EML6: variants seen among roughly 807,000 people sequenced by gnomAD.
EML6 encodes EMAP like 6, also known as echinoderm microtubule-associated protein-like 6.
In EML6, 154 loss-of-function variants were observed where a neutral mutation model predicts 240.1. The observed-to-expected ratio is 0.64, with a 90% CI of 0.56 to 0.73. The LOEUF (loss-of-function observed/expected upper bound fraction) is 0.73. Ranked by LOEUF, EML6 falls within the 30% of genes least tolerant of loss-of-function variation. EML6 has a pLI of 0.00. For synonymous variants in EML6, 1,148 were observed against 899.0 expected, an observed-to-expected ratio of 1.28 and a Z score of -4.95; for missense variants, 2,964 against 2,474.6, an observed-to-expected ratio of 1.20 and a Z score of -4.20.
chr2:54,829,726 T>C (rs1228828229), intron 7 of EML6, among the ~76,000 whole-genome samples: 1 of 152,190 alleles, frequency 6.6e-6, no homozygotes, highest in African/African-American at 2.4e-5. Flanking sequence ...TCTTAGGAGA[T>C]GGGATTGTCA....
chr2:54,896,031 A>G (rs1263647591), intron 21 of EML6, among the ~76,000 whole-genome samples: 1 of 152,220 alleles, frequency 6.6e-6, no homozygotes, highest in African/African-American at 2.4e-5. Context: ...AAGGGAGGTG[A>G]TTATGCAAGA....
chr2:54,857,626 G>A lies in EML6; in HGVS notation c.1658-1908G>A, dbSNP rs987566735. On this transcript the variant is annotated intron_variant, in intron 11 of 41. Coordinates refer to ENST00000356458, the MANE Select transcript of EML6 (RefSeq NM_001039753.4). Reference sequence around the variant, plus strand: ...GCAAACAGTGGGAGCAGAGAATGCTGGAATTGGGCAGTGCAGTGTTCTAAA... The same window carrying A: ...GCAAACAGTGGGAGCAGAGAATGCTAGAATTGGGCAGTGCAGTGTTCTAAA... Among the ~76,000 whole-genome samples the A allele has an allele frequency of 2.6e-5, 4 of 152,208 alleles. No homozygotes were observed. In the South Asian group the frequency reaches 8.3e-4, roughly 32 times the overall value.
chr2:54,887,610 A>G (rs1033793946), intron 17 of EML6, among the ~76,000 whole-genome samples: 3 of 152,190 alleles, frequency 2.0e-5, no homozygotes, highest in Non-Finnish European at 2.9e-5. Context: ...GAAATCACCT[A>G]TTCTTCTAAT....
intron 2 of EML6, among the ~76,000 whole-genome samples, chr2:54,805,932 C>T (rs906416451): frequency 6.6e-5 from 10 of 152,144 alleles, no homozygotes; most frequent in African/African-American, 2.4e-4. Flanking sequence ...GTTATCTTAA[C>T]ACTTTTGCTG....
Position 54,866,746 on chromosome 2 carries a change from T to A in EML6, c.1933-20T>A. 6.9e-7 allele frequency: 1 copy of A among 1,449,746 alleles called. No individual in the cohort carries two copies. The allele number at this position is 1,449,746 out of a possible 1,614,324, so 89.8% of individuals were successfully genotyped here. A position where few individuals can be genotyped will look rare whatever the true frequency, so the allele number is the denominator to read the frequency against. On this transcript the variant is annotated intron_variant, in intron 13 of 41. Coordinates refer to ENST00000356458, the MANE Select transcript of EML6 (RefSeq NM_001039753.4). The stretch of plus-strand genomic sequence containing the variant: ...CCTGATGAAAGGCATCTCACCCAGA[T>A]GTTTCTGTTGTACTTTAAGGTTTAC...
At chr2:54,911,560 G>C (rs1004390015) in intron 25 of EML6, among the ~76,000 whole-genome samples, 2 of 151,634 alleles carry the variant, frequency 1.3e-5, no homozygotes, top group Non-Finnish European at 2.9e-5. Flanking sequence ...CTCCCTAATA[G>C]CTGGGATCAT....
rs6740845 is a variant in EML6, at chr2:54,820,522, A to G, written c.525+60A>G. 0.011 allele frequency: 10,978 copies of G among 1,027,352 alleles called. 759 individuals are homozygous for G. In the African/African-American group the frequency reaches 0.15, roughly 14 times the overall value. The allele number at this position is 1,027,352 out of a possible 1,614,324, so 63.6% of individuals were successfully genotyped here. Reference sequence around the variant, plus strand: ...AGTGCAAATAATTTTAGGTGTTTGTATAGATAATTTGATGTTGAGAGACTG... The same window carrying G: ...AGTGCAAATAATTTTAGGTGTTTGTGTAGATAATTTGATGTTGAGAGACTG... On this transcript the variant is annotated intron_variant, in intron 5 of 41. Transcript: ENST00000356458.
chr2:54,905,087 A>G (rs1673250210), intron 24 of EML6, among the ~76,000 whole-genome samples: 2 of 152,182 alleles, frequency 1.3e-5, no homozygotes, highest in Middle Eastern at 3.2e-3. Flanking sequence ...TTTCGCTTTC[A>G]TGTCAGGGCA....
intron 7 of EML6, among the ~76,000 whole-genome samples, chr2:54,842,112 A>G (rs1669492027): frequency 6.8e-6 from 1 of 146,602 alleles, no homozygotes; most frequent in Admixed American, 6.8e-5. Flanking sequence ...GTTAGAGTTC[A>G]CTCTTGGTGG....
At chr2:54,915,543 C>G (rs2104313569) in intron 25 of EML6, among the ~76,000 whole-genome samples, 2 of 152,154 alleles carry the variant, frequency 1.3e-5, no homozygotes, top group African/African-American at 4.8e-5. Flanking sequence ...GGTCTGTGTT[C>G]CTACCCAAGG....
At chr2:54,820,304 T>C (rs2104103993) in intron 4 of EML6, 90 bp from the exon 5 acceptor site, 1 of 739,290 alleles carries the variant, frequency 1.4e-6, no homozygotes, top group East Asian at 2.7e-5. Flanking sequence ...TTCTAAATGT[T>C]ATAGTAGAGT....
In EML6 at chr2:54,725,808, T is replaced by C. The variant is rs1300258129; in HGVS notation, c.197+550T>C. Among the ~76,000 whole-genome samples, 3 of 152,256 alleles carry C rather than the reference T, an allele frequency of 2.0e-5. No individual in the cohort carries two copies. Among genetic ancestry groups the C allele is most frequent in the African/African-American group, 4.8e-5 (2 of 41,474 alleles). Reference sequence around the variant, plus strand: ...AATATTTCACTTGGCAGTGTTTTAATGCCCAAAGCATATTTATACACTAAA... The same window carrying C: ...AATATTTCACTTGGCAGTGTTTTAACGCCCAAAGCATATTTATACACTAAA... On this transcript the variant is annotated intron_variant, in intron 2 of 41. Coordinates refer to ENST00000356458, the MANE Select transcript of EML6 (RefSeq NM_001039753.4). The surrounding 1 kb of genome is among the most constrained non-coding windows in gnomAD (Gnocchi z 4.3).
At chr2:54,937,318 G>T (rs9808435) in intron 28 of EML6, among the ~76,000 whole-genome samples, 7 of 150,798 alleles carry the variant, frequency 4.6e-5, no homozygotes, top group African/African-American at 1.5e-4. Flanking sequence ...AGCATGGTGG[G>T]GCAAGCCGGT....
intron 2 of EML6, among the ~76,000 whole-genome samples, chr2:54,753,073 G>A (rs977655447): frequency 6.6e-6 from 1 of 152,078 alleles, no homozygotes; most frequent in African/African-American, 2.4e-5. Context: ...TGGATCATAG[G>A]GCATGCACAT....
intron 26 of EML6, among the ~76,000 whole-genome samples, chr2:54,926,896 C>T (rs936371731): frequency 6.6e-6 from 1 of 152,156 alleles, no homozygotes; most frequent in African/African-American, 2.4e-5. Flanking sequence ...AACCCTGTGT[C>T]CCTCTTATAA....
chr2:54,959,318 T>C, intron 34 of EML6, 57 bp downstream of exon 34: 1 of 1,448,814 alleles, frequency 6.9e-7, no homozygotes, highest in Non-Finnish European at 9.2e-7. Context: ...TGGGAGAAAC[T>C]GACAAAAGTG....
intron 34 of EML6, among the ~76,000 whole-genome samples, 157 bp downstream of exon 34, chr2:54,959,418 G>A (rs959187887): frequency 2.6e-5 from 4 of 152,192 alleles, no homozygotes; most frequent in Admixed American, 1.3e-4. Context: ...AGGGCCCTAA[G>A]TCAAGATCCT....
At chr2:54,898,493 T>C (rs970360409) in intron 21 of EML6, among the ~76,000 whole-genome samples, 5 of 152,124 alleles carry the variant, frequency 3.3e-5, no homozygotes, top group African/African-American at 9.7e-5. Flanking sequence ...AAACCGGGGA[T>C]GTAGGGTGTC....
intron 28 of EML6, among the ~76,000 whole-genome samples, chr2:54,935,293 A>G (rs1042301566): frequency 6.6e-6 from 1 of 152,136 alleles, no homozygotes; most frequent in Admixed American, 6.5e-5. Flanking sequence ...ATGAGTACAC[A>G]TAAGCTGGAG....
Sources: gnomAD v4.1 joint callset for allele counts (sites outside exome capture counted in the v4.1 genomes callset) on GRCh38, gnomAD v4.1.1 for gene constraint, Gnocchi (gnomAD v3.1) non-coding constraint, MANE v1.5 for transcripts, NCBI Gene and HGNC (gene_info 2026-07-23, HGNC 2026-07-21) for gene names.